Variants in SNX24 observed in about 807,000 individuals in gnomAD.
The protein encoded by SNX24 is sorting nexin 24.
A neutral mutation model predicts 28.7 loss-of-function variants in SNX24; 22 were observed. The ratio of observed to expected loss-of-function variants is 0.77; its 90% confidence interval spans 0.55 to 1.10. The LOEUF (loss-of-function observed/expected upper bound fraction) is 1.10, where lower values mean the gene tolerates loss of function less well. Ranked by LOEUF, SNX24 falls within the 50% of genes least tolerant of loss-of-function variation. The probability of loss-of-function intolerance (pLI) is 0.00; values close to 1 mark genes in which losing one functional copy is unlikely to be tolerated. For missense variants in SNX24, 221 were observed against 201.1 expected (o/e 1.10, Z -0.60); for synonymous variants, 69 against 71.5 (o/e 0.96, Z 0.18).
At chr5:122,893,242 G>T (rs538472989) in intron 1 of SNX24, among the ~76,000 whole-genome samples, 45 of 56,638 alleles carry the variant, frequency 7.9e-4, no homozygotes, top group Middle Eastern at 6.8e-3. Context: ...TGTCACAAGG[G>T]ATCTCCTTCT....
At chr5:123,011,986 C>A (rs548915787), downstream of SNX24, among the ~76,000 whole-genome samples, 157 of 152,246 alleles carry the variant, frequency 1.0e-3, no homozygotes, top group Middle Eastern at 3.4e-3. Context: ...CTCATGGGAG[C>A]AGTTACCCCC....
At chr5:122,850,460 G>A (rs1050546864) in intron 1 of SNX24, among the ~76,000 whole-genome samples, 1 of 152,170 alleles carries the variant, frequency 6.6e-6, no homozygotes, top group Admixed American at 6.5e-5. Flanking sequence ...AGACTGTAGC[G>A]ATGATTCTGG....
intron 3 of SNX24, chr5:122,965,306 A>G: frequency 8.6e-6 from 3 of 347,574 alleles, no homozygotes; most frequent in East Asian, 7.4e-5. Context: ...CTCAGCCTGG[A>G]GTGCATTCAT....
rs142577403 is a variant in SNX24, at chr5:123,017,815, A to G, written n.384-11423A>G. On this transcript the variant is annotated intron_variant and non_coding_transcript_variant, in intron 5 of 5. Transcript: ENST00000502387. ...TGAGACGTGCCTTTAACCTTCCACC[A>G]TGATTGTGAGGCCTCCCCAGCCTCA... Among the ~76,000 whole-genome samples the G allele has an allele frequency of 3.0e-3, 452 of 152,184 alleles. 1 individual carries two copies. The highest frequency in any genetic ancestry group is 5.0e-3 in the Non-Finnish European group (337 of 68,004).
chr5:122,946,010 C>A, intron 2 of SNX24, 45 bp from the exon 3 acceptor site: 1 of 969,234 alleles, frequency 1.0e-6, no homozygotes, highest in Non-Finnish European at 1.5e-6. Flanking sequence ...TAACAGACAT[C>A]TCTGTTTTTT....
chr5:122,956,212 G>A (rs1264145094), intron 3 of SNX24, among the ~76,000 whole-genome samples: 2 of 151,986 alleles, frequency 1.3e-5, no homozygotes, highest in African/African-American at 4.8e-5. Context: ...TGCCACAGAC[G>A]TTCTATTATA....
At chr5:122,856,725 A>G (rs1168824094) in intron 1 of SNX24, among the ~76,000 whole-genome samples, 1 of 151,980 alleles carries the variant, frequency 6.6e-6, no homozygotes, top group African/African-American at 2.4e-5. Context: ...CATGTTTGCC[A>G]GGCTGGTTTT....
intron 1 of SNX24, among the ~76,000 whole-genome samples, chr5:122,911,415 A>C (rs1757882758): frequency 2.0e-5 from 3 of 151,992 alleles, no homozygotes; most frequent in Non-Finnish European, 4.4e-5. Context: ...TCCGTTTTGT[A>C]GGTTGCCTGT....
At chr5:123,002,721 A>T (rs1272765703) in intron 6 of SNX24, among the ~76,000 whole-genome samples, 1 of 152,258 alleles carries the variant, frequency 6.6e-6, no homozygotes. Flanking sequence ...GCATATTTTA[A>T]ATACAATTAA....
At chr5:122,902,951 C>T (rs1316585296) in intron 1 of SNX24, among the ~76,000 whole-genome samples, 1 of 152,112 alleles carries the variant, frequency 6.6e-6, no homozygotes, top group East Asian at 1.9e-4. Context: ...TATCTTGCTA[C>T]TTATTGTTCC....
At chr5:122,889,342 A>G (rs976268900) in intron 1 of SNX24, among the ~76,000 whole-genome samples, 33 of 151,836 alleles carry the variant, frequency 2.2e-4, no homozygotes, top group Non-Finnish European at 2.4e-4. Flanking sequence ...TCATCTATCT[A>G]TCTGTATAGA....
chr5:122,928,403 A>T (rs1758799109), intron 1 of SNX24, among the ~76,000 whole-genome samples: 1 of 152,162 alleles, frequency 6.6e-6, no homozygotes. Flanking sequence ...AAAGTTAAGG[A>T]CCTTGAGATA....
At chr5:122,886,085 G>C (rs1756698132) in intron 1 of SNX24, among the ~76,000 whole-genome samples, 1 of 152,220 alleles carries the variant, frequency 6.6e-6, no homozygotes. Context: ...TTCAGAGCAA[G>C]TGGTTGTACT....
intron 1 of SNX24, among the ~76,000 whole-genome samples, chr5:122,857,251 A>T (rs1352414085): frequency 6.6e-6 from 1 of 152,028 alleles, no homozygotes; most frequent in African/African-American, 2.4e-5. Context: ...ACCTCAGGTG[A>T]TCTGCCTGCC....
chr5:122,889,506 C>T (rs1023486847), intron 1 of SNX24, among the ~76,000 whole-genome samples: 1 of 151,770 alleles, frequency 6.6e-6, no homozygotes, highest in African/African-American at 2.4e-5. Flanking sequence ...TCAACCAATA[C>T]ATATAATGCA....
chr5:122,962,452 C>T (rs1760523670), intron 3 of SNX24, among the ~76,000 whole-genome samples: 1 of 152,144 alleles, frequency 6.6e-6, no homozygotes, highest in African/African-American at 2.4e-5. Context: ...TAGTGCAGAG[C>T]AGTGTTTTAA....
At chr5:122,890,726 C>G (rs911225602) in intron 1 of SNX24, among the ~76,000 whole-genome samples, 1 of 152,120 alleles carries the variant, frequency 6.6e-6, no homozygotes, top group Non-Finnish European at 1.5e-5. Flanking sequence ...CCGTCTCAGC[C>G]TCCCAAAGGG....
chr5:122,880,255 C>T (rs969459130), intron 1 of SNX24, among the ~76,000 whole-genome samples: 1 of 150,782 alleles, frequency 6.6e-6, no homozygotes, highest in African/African-American at 2.5e-5. Flanking sequence ...ACTGGTGTTT[C>T]GGAGACGTGT....
At chr5:122,964,888 C>T (rs551567304) in intron 3 of SNX24, among the ~76,000 whole-genome samples, 7 of 152,194 alleles carry the variant, frequency 4.6e-5, no homozygotes, top group Admixed American at 4.6e-4. Flanking sequence ...CCATAATATC[C>T]TATACTGTGG....
Sources: gnomAD v4.1 joint callset for allele counts (sites outside exome capture counted in the v4.1 genomes callset) on GRCh38, gnomAD v4.1.1 for gene constraint, MANE v1.5 for transcripts, NCBI Gene and HGNC (gene_info 2026-07-23, HGNC 2026-07-21) for gene names.